DSCAM: variants seen among roughly 807,000 people sequenced by gnomAD.
The protein encoded by DSCAM is DS cell adhesion molecule, also known as cell adhesion molecule DSCAM.
Under a neutral mutation model 217.7 loss-of-function variants are expected in DSCAM, and 47 were observed. That is an observed-to-expected ratio of 0.22 (90% CI 0.17 to 0.28). DSCAM has a LOEUF of 0.28. Ranked by LOEUF, DSCAM falls within the 10% of genes least tolerant of loss-of-function variation. The pLI is 1.00. For synonymous variants in DSCAM, 1,056 were observed against 1,015.3 expected (o/e 1.04, Z -0.76); for missense variants, 2,080 against 2,618.3 (o/e 0.79, Z 4.49).
chr21:40,539,582 G>C (rs1601727315), intron 3 of DSCAM, among the ~76,000 whole-genome samples: 2 of 152,116 alleles, frequency 1.3e-5, no homozygotes, highest in African/African-American at 4.8e-5. Flanking sequence ...TTAAAAACAA[G>C]TGTGAAAGCC....
chr21:40,525,564 A>G (rs1237397479), intron 3 of DSCAM, among the ~76,000 whole-genome samples: 1 of 152,242 alleles, frequency 6.6e-6, no homozygotes, highest in Admixed American at 6.5e-5. Context: ...GTATCAAATG[A>G]TTTGCTAAGA....
chr21:40,614,707 G>A (rs1601789822), intron 3 of DSCAM, among the ~76,000 whole-genome samples: 1 of 152,158 alleles, frequency 6.6e-6, no homozygotes, highest in South Asian at 2.1e-4. Context: ...AGTAACGGAA[G>A]TGCTGACTAT....
At chr21:40,515,007 TAAGAA>T (rs762223000) in intron 3 of DSCAM, among the ~76,000 whole-genome samples, 9 of 152,190 alleles carry the variant, frequency 5.9e-5, no homozygotes, top group Non-Finnish European at 1.3e-4. Context: ...GAAGCGAAGT[TAAGAA>T]AAGATTACTT....
intron 3 of DSCAM, among the ~76,000 whole-genome samples, chr21:40,570,857 T>C (rs138852199): frequency 6.6e-6 from 1 of 150,872 alleles, no homozygotes; most frequent in African/African-American, 2.4e-5. Flanking sequence ...ATGAAAAAAA[T>C]AAAACAAAGC....
intron 1 of DSCAM, among the ~76,000 whole-genome samples, chr21:40,748,810 A>G (rs1337559034): frequency 6.6e-6 from 1 of 152,162 alleles, no homozygotes; most frequent in Non-Finnish European, 1.5e-5. Context: ...AGCTTCAGGC[A>G]TCACTCTACC....
intron 2 of DSCAM, among the ~76,000 whole-genome samples, chr21:40,696,061 G>A (rs548023170): frequency 1.3e-5 from 2 of 151,566 alleles, no homozygotes; most frequent in Non-Finnish European, 1.5e-5. Context: ...CAGACACTGG[G>A]CTAGAAACCT....
In DSCAM at chr21:40,396,557, C is replaced by T. The variant is rs539012802; in HGVS notation, c.509-27312G>A. 1.2e-4 allele frequency among the ~76,000 whole-genome samples: 18 copies of T among 152,224 alleles called. No homozygotes were observed. In the South Asian group the frequency reaches 2.1e-3, roughly 18 times the overall value. ...TCCTGAGCTGGGTGCCCACCAGGAA[C>T]GGAACACTTAACTGGAAATGGTTGT... is the stretch of plus-strand genomic sequence containing the variant. On this transcript the variant is annotated intron_variant, in intron 3 of 32. Transcript: ENST00000400454.
intron 3 of DSCAM, among the ~76,000 whole-genome samples, chr21:40,549,435 A>T (rs1206198247): frequency 6.6e-6 from 1 of 152,184 alleles, no homozygotes; most frequent in Non-Finnish European, 1.5e-5. Flanking sequence ...GGGTCCCACT[A>T]CTTGCGCTTA....
At chr21:40,049,954 G>A (rs933000232) in intron 30 of DSCAM, among the ~76,000 whole-genome samples, 2 of 152,182 alleles carry the variant, frequency 1.3e-5, no homozygotes, top group African/African-American at 2.4e-5. Context: ...ATGCATTCTC[G>A]GCTGCTAGCT....
chr21:40,250,060 C>T (rs1274441689), intron 11 of DSCAM, among the ~76,000 whole-genome samples: 1 of 152,190 alleles, frequency 6.6e-6, no homozygotes, highest in Non-Finnish European at 1.5e-5. Context: ...TTTGCAGGTT[C>T]TACTCACATT....
intron 3 of DSCAM, among the ~76,000 whole-genome samples, chr21:40,637,264 AATATAAATATATAT>A (rs2089786007): frequency 2.5e-4 from 1 of 4,062 alleles, no homozygotes; most frequent in Non-Finnish European, 3.2e-4. Context: ...AATATATATA[AATATAAATATATAT>A]ATATAAATAT....
At chr21:40,726,116 T>A (rs1274040698) in intron 1 of DSCAM, among the ~76,000 whole-genome samples, 1 of 152,086 alleles carries the variant, frequency 6.6e-6, no homozygotes, top group East Asian at 1.9e-4. Flanking sequence ...CCTGGAGAGA[T>A]GTTTCCAGGA....
chr21:40,040,445 G>C (rs891848941), intron 32 of DSCAM, among the ~76,000 whole-genome samples: 1 of 152,174 alleles, frequency 6.6e-6, no homozygotes, highest in African/African-American at 2.4e-5. Flanking sequence ...TAACCTAGAA[G>C]CTCATTCTGT....
At chr21:40,430,139 G>A (rs1043223223) in intron 3 of DSCAM, among the ~76,000 whole-genome samples, 3 of 152,194 alleles carry the variant, frequency 2.0e-5, no homozygotes, top group African/African-American at 7.2e-5. Flanking sequence ...GCATTTGATG[G>A]AGAATTAATC....
intron 3 of DSCAM, among the ~76,000 whole-genome samples, chr21:40,503,563 T>C (rs1458324036): frequency 6.6e-6 from 1 of 152,216 alleles, no homozygotes; most frequent in African/African-American, 2.4e-5. Flanking sequence ...ATCAAGGAGC[T>C]GTCAGATGCC....
At chr21:40,022,972 T>C (rs1441039128) in intron 32 of DSCAM, among the ~76,000 whole-genome samples, 1 of 151,976 alleles carries the variant, frequency 6.6e-6, no homozygotes. Context: ...GCTGCACCCA[T>C]TAACTAGTCA....
intron 1 of DSCAM, among the ~76,000 whole-genome samples, chr21:40,814,651 C>G (rs904342312): frequency 6.6e-6 from 1 of 152,056 alleles, no homozygotes; most frequent in African/African-American, 2.4e-5. Flanking sequence ...TGAAGAAGAG[C>G]GGGAAAAGGA....
At chr21:40,451,225 A>G (rs2075716503) in intron 3 of DSCAM, among the ~76,000 whole-genome samples, 1 of 152,206 alleles carries the variant, frequency 6.6e-6, no homozygotes, top group Non-Finnish European at 1.5e-5. Context: ...ATGTAAGAGA[A>G]GGCCAGTCTC....
At chr21:40,514,191 C>A (rs1287217084) in intron 3 of DSCAM, among the ~76,000 whole-genome samples, 1 of 152,186 alleles carries the variant, frequency 6.6e-6, no homozygotes, top group Non-Finnish European at 1.5e-5. Flanking sequence ...GTATGGTGAA[C>A]CCTACTCCTT....
Sources: gnomAD v4.1 joint callset for allele counts (sites outside exome capture counted in the v4.1 genomes callset) on GRCh38, gnomAD v4.1.1 for gene constraint, MANE v1.5 for transcripts, NCBI Gene and HGNC (gene_info 2026-07-23, HGNC 2026-07-21) for gene names.